Variants in GABRB1 observed in about 807,000 individuals in gnomAD.
GABRB1 encodes gamma-aminobutyric acid type A receptor subunit beta1, also known as gamma-aminobutyric acid receptor subunit beta-1.
Under a neutral mutation model 51.6 loss-of-function variants are expected in GABRB1, and 17 were observed. That is an observed-to-expected ratio of 0.33 (90% CI 0.23 to 0.49). The LOEUF (loss-of-function observed/expected upper bound fraction) is 0.49. Among genes scored for constraint, GABRB1 ranks in the 20% least tolerant of loss-of-function variants. GABRB1 has a pLI of 0.99. For missense variants in GABRB1, 410 were observed against 600.6 expected, an observed-to-expected ratio of 0.68 and a Z score of 3.32; for synonymous variants, 247 against 218.9, an observed-to-expected ratio of 1.13 and a Z score of -1.14.
chr4:47,361,958 A>G (rs1394561666), intron 5 of GABRB1, among the ~76,000 whole-genome samples: 1 of 152,092 alleles, frequency 6.6e-6, no homozygotes, highest in Non-Finnish European at 1.5e-5. Context: ...AGGCAGAGAG[A>G]GTTGTTAAAG....
chr4:47,246,838 G>T (rs549179568), intron 4 of GABRB1, among the ~76,000 whole-genome samples: 7 of 151,982 alleles, frequency 4.6e-5, no homozygotes, highest in Non-Finnish European at 8.8e-5. Context: ...TTTGGGAATT[G>T]TCTATTCATG....
At chr4:47,124,248 A>G (rs1017517118) in intron 3 of GABRB1, among the ~76,000 whole-genome samples, 1 of 152,000 alleles carries the variant, frequency 6.6e-6, no homozygotes, top group African/African-American at 2.4e-5. Flanking sequence ...AGAGTTTTGC[A>G]AACAGAATGC....
intron 3 of GABRB1, among the ~76,000 whole-genome samples, chr4:47,152,472 G>A (rs1026044579): frequency 1.3e-5 from 2 of 151,990 alleles, no homozygotes; most frequent in African/African-American, 4.8e-5. Flanking sequence ...AAAAGAGTGA[G>A]TGACTGATCC....
chr4:47,180,995 G>C (rs1048327998), intron 4 of GABRB1, among the ~76,000 whole-genome samples: 13 of 151,762 alleles, frequency 8.6e-5, no homozygotes, highest in Admixed American at 7.2e-4. Context: ...CTTGGTATGG[G>C]GCTTTGGGTG....
At chr4:47,001,811 AT>A (rs1462967235) in intron 1 of GABRB1, among the ~76,000 whole-genome samples, 1 of 152,224 alleles carries the variant, frequency 6.6e-6, no homozygotes, top group Non-Finnish European at 1.5e-5. Context: ...GTACGGGGAT[AT>A]AAAATTAAAT....
intron 3 of GABRB1, among the ~76,000 whole-genome samples, chr4:47,091,027 G>A (rs1432643223): frequency 6.6e-6 from 1 of 152,016 alleles, no homozygotes; most frequent in Non-Finnish European, 1.5e-5. Flanking sequence ...TTATTCCACA[G>A]GGCAACTTCC....
chr4:47,263,006 A>G (rs1722503217), intron 4 of GABRB1, among the ~76,000 whole-genome samples: 1 of 131,656 alleles, frequency 7.6e-6, no homozygotes, highest in South Asian at 2.6e-4. Context: ...GAACACATAG[A>G]CACAGGAAGG....
intron 4 of GABRB1, among the ~76,000 whole-genome samples, chr4:47,187,938 C>A (rs1719255176): frequency 6.6e-6 from 1 of 151,962 alleles, no homozygotes; most frequent in Non-Finnish European, 1.5e-5. Context: ...TCATTCACTT[C>A]CACCATGCCA....
chr4:47,134,448 C>A (rs1357774263), intron 3 of GABRB1, among the ~76,000 whole-genome samples: 1 of 151,672 alleles, frequency 6.6e-6, no homozygotes, highest in Non-Finnish European at 1.5e-5. Flanking sequence ...TTTAGAAAAT[C>A]AATAACAATT....
rs181554448 is a variant in GABRB1 at position 47,403,499 on chromosome 4, G to A, written c.682+44G>A. 219 of 1,613,334 alleles carry A rather than the reference G, an allele frequency of 1.4e-4. No individual in the cohort carries two copies. The African/African-American group carries it at 2.7e-3, about 20-fold the overall frequency. On this transcript the variant is annotated intron_variant, in intron 6 of 8. Transcript: ENST00000295454. The stretch of plus-strand genomic sequence containing the variant: ...AAATGTACTAGGGGTGCTGTGAAAG[G>A]AAGAAGATGGTTCCAACCAAATAAT...
chr4:47,181,481 G>A (rs1211256441), intron 4 of GABRB1, among the ~76,000 whole-genome samples: 2 of 152,000 alleles, frequency 1.3e-5, no homozygotes, highest in Non-Finnish European at 2.9e-5. Context: ...ATAGAGCGAA[G>A]TGACAAAGAA....
chr4:47,123,717 G>GATATC lies in GABRB1; in HGVS notation c.241-37528_241-37527insCATAT, dbSNP rs1553917491. Among the ~76,000 whole-genome samples, 190 of 58,620 alleles carry GATATC rather than the reference G, an allele frequency of 3.2e-3. 2 individuals carry two copies. Among genetic ancestry groups the GATATC allele is most frequent in the African/African-American group, 0.011 (186 of 16,282 alleles). The allele number at this position is 58,620 out of a possible 152,430, so 38.5% of individuals were successfully genotyped here. ...ATATTATATATATAATATGATATAT[G>GATATC]ATATATGATATATCATATATTATTA... On this transcript the variant is annotated intron_variant, in intron 3 of 8. Coordinates refer to ENST00000295454, the MANE Select transcript of GABRB1 (RefSeq NM_000812.4).
intron 3 of GABRB1, among the ~76,000 whole-genome samples, chr4:47,066,010 G>GA (rs1243953771): frequency 2.0e-5 from 3 of 152,014 alleles, no homozygotes; most frequent in Non-Finnish European, 1.5e-5. Context: ...CCTTTCCTTT[G>GA]AAAAAACCAA....
intron 4 of GABRB1, among the ~76,000 whole-genome samples, chr4:47,272,190 T>C (rs769614034): frequency 6.6e-6 from 1 of 152,268 alleles, no homozygotes; most frequent in Non-Finnish European, 1.5e-5. Flanking sequence ...AACTAGTAGA[T>C]TTTAATAAAA....
chr4:47,332,182 T>G (rs1415975453), intron 5 of GABRB1, among the ~76,000 whole-genome samples: 1 of 152,198 alleles, frequency 6.6e-6, no homozygotes, highest in East Asian at 1.9e-4. Context: ...TAACAATTAT[T>G]TTGCCAAATC....
intron 3 of GABRB1, among the ~76,000 whole-genome samples, chr4:47,136,860 A>G (rs1716683603): frequency 6.6e-6 from 1 of 152,110 alleles, no homozygotes; most frequent in South Asian, 2.1e-4. Context: ...AGAAACTAAC[A>G]AAAACATTTA....
At chr4:47,196,412 T>C (rs1436436236) in intron 4 of GABRB1, among the ~76,000 whole-genome samples, 1 of 152,198 alleles carries the variant, frequency 6.6e-6, no homozygotes, top group Non-Finnish European at 1.5e-5. Context: ...GATCCAGCAC[T>C]GGATAGATCC....
At chr4:47,421,762 C>G (rs532001156) in intron 8 of GABRB1, among the ~76,000 whole-genome samples, 1 of 152,116 alleles carries the variant, frequency 6.6e-6, no homozygotes, top group Non-Finnish European at 1.5e-5. Context: ...AATCCCTAAT[C>G]GTGATCTATA....
chr4:47,297,113 T>C (rs1175591816), intron 4 of GABRB1, among the ~76,000 whole-genome samples: 10 of 152,020 alleles, frequency 6.6e-5, no homozygotes, highest in Non-Finnish European at 8.8e-5. Flanking sequence ...CAAAGCAGTG[T>C]GTAGAGGGAA....
Sources: gnomAD v4.1 joint callset for allele counts (sites outside exome capture counted in the v4.1 genomes callset) on GRCh38, gnomAD v4.1.1 for gene constraint, MANE v1.5 for transcripts, NCBI Gene and HGNC (gene_info 2026-07-23, HGNC 2026-07-21) for gene names.